EYS: variants seen among roughly 807,000 people sequenced by gnomAD.
EYS encodes protein eyes shut homolog.
Under a neutral mutation model 282.1 loss-of-function variants are expected in EYS, and 250 were observed. That is an observed-to-expected ratio of 0.89 (90% CI 0.80 to 0.98). The LOEUF is 0.98. Ranked by LOEUF, EYS falls within the 50% of genes least tolerant of loss-of-function variation. The pLI is 0.00. For synonymous variants in EYS, 1,355 were observed against 1,282.9 expected (o/e 1.06, Z -1.20); for missense variants, 4,016 against 3,709.0 (o/e 1.08, Z -2.15).
intron 8 of EYS, among the ~76,000 whole-genome samples, chr6:65,383,413 G>C (rs1765688054): frequency 1.3e-5 from 2 of 151,688 alleles, no homozygotes; most frequent in Admixed American, 1.3e-4. Flanking sequence ...TTTCTAAAAA[G>C]TTATAATGAA....
At chr6:64,121,393 A>C (rs995245468) in intron 31 of EYS, among the ~76,000 whole-genome samples, 1 of 152,306 alleles carries the variant, frequency 6.6e-6, no homozygotes, top group East Asian at 1.9e-4. Context: ...TCCATTTTAC[A>C]GATTAGAAGA....
intron 26 of EYS, among the ~76,000 whole-genome samples, chr6:64,490,506 T>C (rs932018230): frequency 3.3e-5 from 5 of 149,594 alleles, no homozygotes; most frequent in African/African-American, 7.5e-5. Flanking sequence ...ATTTATGCTT[T>C]TAATTTATTT....
At chr6:64,371,260 T>C (rs1362558297) in intron 29 of EYS, among the ~76,000 whole-genome samples, 1 of 152,068 alleles carries the variant, frequency 6.6e-6, no homozygotes, top group Non-Finnish European at 1.5e-5. Flanking sequence ...TCTGACTTAT[T>C]TTTTTGTTTA....
intron 39 of EYS, 147 bp downstream of exon 39, chr6:63,787,958 A>C (rs1487598919): frequency 1.6e-6 from 1 of 612,678 alleles, no homozygotes; most frequent in Non-Finnish European, 2.6e-6. Context: ...ATAGTAAATG[A>C]ATGTTTCTGA....
chr6:64,558,109 A>G (rs1192383788), intron 26 of EYS, among the ~76,000 whole-genome samples: 1 of 152,134 alleles, frequency 6.6e-6, no homozygotes, highest in African/African-American at 2.4e-5. Flanking sequence ...ATAGAATTTA[A>G]GAGATGCAAC....
intron 28 of EYS, among the ~76,000 whole-genome samples, chr6:64,427,436 T>C (rs1167313434): frequency 1.3e-5 from 2 of 152,132 alleles, no homozygotes; most frequent in Non-Finnish European, 2.9e-5. Context: ...GTCAATTAAC[T>C]GTGAAGACCC....
intron 31 of EYS, among the ~76,000 whole-genome samples, chr6:64,172,408 C>A (rs1420383629): frequency 2.6e-5 from 4 of 152,188 alleles, no homozygotes. Context: ...CCCTGGAAAC[C>A]ACCATTCTAT....
chr6:64,737,788 T>C (rs1043252169), intron 22 of EYS, among the ~76,000 whole-genome samples: 1 of 152,162 alleles, frequency 6.6e-6, no homozygotes, highest in Non-Finnish European at 1.5e-5. Flanking sequence ...GAGTGTTGCA[T>C]GAACCATCGA....
intron 10 of EYS, among the ~76,000 whole-genome samples, chr6:65,341,070 C>G (rs1254641869): frequency 6.6e-6 from 1 of 151,134 alleles, no homozygotes; most frequent in Non-Finnish European, 1.5e-5. Context: ...CCGTCTTCAT[C>G]ACTTTTTCAG....
chr6:65,559,868 G>A (rs1451142305), intron 2 of EYS, among the ~76,000 whole-genome samples: 2 of 151,790 alleles, frequency 1.3e-5, no homozygotes, highest in East Asian at 3.9e-4. Flanking sequence ...CTTTCAAGCA[G>A]CATTAATTTA....
At chr6:65,652,347 A>T (rs905857361) in intron 1 of EYS, among the ~76,000 whole-genome samples, 50 of 152,154 alleles carry the variant, frequency 3.3e-4, no homozygotes, top group Admixed American at 2.6e-3. Context: ...AGTAGAAGAA[A>T]CGAGTTAGAT....
In EYS at chr6:64,094,716, T is replaced by C. The variant is rs184137948; in HGVS notation, c.6425-12714A>G. Among the ~76,000 whole-genome samples the C allele has an allele frequency of 4.7e-4, 72 of 152,208 alleles. No individual in the cohort carries two copies. In the South Asian group the frequency reaches 0.01, roughly 21 times the overall value. ...TCTTTTCAAAAAACCAGCTCCTGGATTGATTTTTTTGAAGGGTTTTTTGTG... is the reference window on the plus strand; with the variant it reads ...TCTTTTCAAAAAACCAGCTCCTGGACTGATTTTTTTGAAGGGTTTTTTGTG... On this transcript the variant is annotated intron_variant, in intron 31 of 42. Coordinates refer to ENST00000503581, the MANE Select transcript of EYS (RefSeq NM_001142800.2).
At chr6:64,568,923 G>T (rs1765635996) in intron 26 of EYS, among the ~76,000 whole-genome samples, 1 of 148,704 alleles carries the variant, frequency 6.7e-6, no homozygotes, top group African/African-American at 2.5e-5. Context: ...CAAACAGAAA[G>T]GAATAGCATC....
chr6:64,075,653 G>A (rs778108806), intron 32 of EYS, among the ~76,000 whole-genome samples: 9 of 151,750 alleles, frequency 5.9e-5, no homozygotes, highest in South Asian at 2.1e-4. Flanking sequence ...TATAACATTC[G>A]TAACACCTCT....
intron 34 of EYS, among the ~76,000 whole-genome samples, chr6:63,994,500 G>A (rs1055542454): frequency 1.3e-5 from 2 of 151,820 alleles, no homozygotes; most frequent in African/African-American, 4.8e-5. Context: ...TTTCACTAAG[G>A]CTGTTCCTGA....
intron 12 of EYS, among the ~76,000 whole-genome samples, chr6:65,260,403 T>C (rs1562056079): frequency 6.6e-6 from 1 of 152,140 alleles, no homozygotes. Flanking sequence ...GGCTTTTATT[T>C]CTGTTGTTTC....
intron 41 of EYS, among the ~76,000 whole-genome samples, chr6:63,727,361 T>C (rs545231625): frequency 6.6e-6 from 1 of 152,220 alleles, no homozygotes; most frequent in East Asian, 1.9e-4. Flanking sequence ...CCCTGCTCTG[T>C]GGACCAGGCG....
chr6:65,584,206 T>C (rs1764964311), intron 2 of EYS, among the ~76,000 whole-genome samples: 1 of 152,080 alleles, frequency 6.6e-6, no homozygotes, highest in African/African-American at 2.4e-5. Flanking sequence ...AGGTAGGTTG[T>C]ATTAGATCAA....
intron 22 of EYS, among the ~76,000 whole-genome samples, chr6:64,789,925 T>C (rs1774137161): frequency 6.6e-6 from 1 of 151,814 alleles, no homozygotes; most frequent in Non-Finnish European, 1.5e-5. Context: ...GCTAGGGGAA[T>C]ATGAATAATC....
Sources: gnomAD v4.1 joint callset for allele counts (sites outside exome capture counted in the v4.1 genomes callset) on GRCh38, gnomAD v4.1.1 for gene constraint, MANE v1.5 for transcripts, NCBI Gene and HGNC (gene_info 2026-07-23, HGNC 2026-07-21) for gene names.